IL31RA: variants seen among roughly 807,000 people sequenced by gnomAD.
IL31RA encodes interleukin-31 receptor subunit alpha.
IL31RA carries 66 observed loss-of-function variants against 83.7 expected under a neutral mutation model. The ratio of observed to expected loss-of-function variants is 0.79; its 90% CI spans 0.65 to 0.97. The LOEUF (loss-of-function observed/expected upper bound fraction) is 0.97, where lower values mean the gene tolerates loss of function less well. IL31RA is among the 50% of genes least tolerant of loss of function. The pLI is 0.00. For missense variants in IL31RA, 798 were observed against 919.4 expected, an observed-to-expected ratio of 0.87 and a Z score of 1.71; for synonymous variants, 325 against 329.0, an observed-to-expected ratio of 0.99 and a Z score of 0.13.
At chr5:55,845,727 C>T in the IL31RA span, among the ~76,000 whole-genome samples, 2 of 152,152 alleles carry the variant, frequency 1.3e-5, no homozygotes, top group Non-Finnish European at 2.9e-5. Flanking sequence ...CTCCCTGAGC[C>T]ATGTGGAATT....
At position 55,917,114 on chromosome 5, in the gene IL31RA, A is replaced by G; in HGVS notation, c.2289A>G (p.Glu763=). ...AACTTCCAGAGCACACCAAGGGAGA[A>G]GTCTAAATGCGACCATAGCATGAGA... is the stretch of plus-strand genomic sequence containing the variant. The part of the protein sequence containing the change: ...SEKLPEHTKG[E]V The change falls in exon 15 of 15, where the codon GAA becomes GAG. Residue 763 remains glutamate (E), a synonymous_variant. Transcript: ENST00000652347. 6.2e-7 allele frequency: 1 copy of G among 1,614,154 alleles called. No homozygotes were observed. The highest frequency in any genetic ancestry group is 8.5e-7 in the Non-Finnish European group (1 of 1,180,024).
intron 13 of IL31RA, among the ~76,000 whole-genome samples, 163 bp from the exon 14 acceptor site, chr5:55,914,684 C>T (rs555043690): frequency 3.5e-4 from 54 of 152,188 alleles, no homozygotes; most frequent in Middle Eastern, 3.4e-3. Flanking sequence ...CAACACACAC[C>T]GCAAAACAAC....
rs910171277 is a variant in IL31RA, at chr5:55,890,278, C to T, written c.772+143C>T. 4.0e-6 allele frequency: 3 copies of T among 756,770 alleles called. No homozygotes were observed. In the African/African-American group the frequency reaches 5.2e-5, roughly 13 times the overall value. 46.9% of individuals were successfully genotyped at this position (756,770 alleles called of 1,614,324 possible). On this transcript the variant is annotated intron_variant, in intron 6 of 14. Transcript: ENST00000652347. ...GCCCCCTGTACCATCGAGAGTGAGC[C>T]TGCACAACTTTGTGCCCCAAAGGCA...
At chr5:55,902,220 G>A (rs1748865281) in intron 8 of IL31RA, 1 of 152,128 alleles carries the variant, frequency 6.6e-6, no homozygotes, top group Admixed American at 6.5e-5. Flanking sequence ...CGGTGGCTAA[G>A]TTGAATAGTT....
At chr5:55,840,750 G>A in the IL31RA span, among the ~76,000 whole-genome samples, 2 of 152,186 alleles carry the variant, frequency 1.3e-5, no homozygotes, top group African/African-American at 2.4e-5. Context: ...CAGCTCAAAT[G>A]TGTATTCCTT....
intron 8 of IL31RA, among the ~76,000 whole-genome samples, chr5:55,904,349 T>A (rs1749002934): frequency 1.3e-5 from 2 of 152,010 alleles, no homozygotes; most frequent in Admixed American, 1.3e-4. Context: ...GCTGAGTGGG[T>A]CTGGGTGGAG....
upstream of IL31RA, among the ~76,000 whole-genome samples, chr5:55,846,861 TG>T (rs1744939393): frequency 1.3e-5 from 2 of 152,332 alleles, no homozygotes; most frequent in Admixed American, 1.3e-4. Context: ...ACCAGTACTC[TG>T]GGTAAACCTG....
rs1235138364 is a variant in IL31RA at position 55,886,268 on chromosome 5, C to CTTGCTTTTTTTTTTTTTTTTTT, written c.606+3075_606+3076insGCTTTTTTTTTTTTTTTTTTTT. ...GCTAGCTTGCTTGCTTGCTTGCTTG[C>CTTGCTTTTTTTTTTTTTTTTTT]TTTTTTTTTTTTTTTTTTTTTTTGA... is the stretch of plus-strand genomic sequence containing the variant. On this transcript the variant is annotated intron_variant, in intron 5 of 14. Transcript: ENST00000652347. 1.1e-4 allele frequency among the ~76,000 whole-genome samples: 8 copies of CTTGCTTTTTTTTTTTTTTTTTT among 71,502 alleles called. 1 individual carries two copies. Among genetic ancestry groups the CTTGCTTTTTTTTTTTTTTTTTT allele is most frequent in the African/African-American group, 3.6e-4 (5 of 13,716 alleles). The allele number at this position is 71,502 out of a possible 152,430, so 46.9% of individuals were successfully genotyped here. A position where few individuals can be genotyped will look rare whatever the true frequency, so the allele number is the denominator to read the frequency against.
intron 5 of IL31RA, among the ~76,000 whole-genome samples, chr5:55,888,946 T>C (rs917828210): frequency 6.6e-6 from 1 of 152,184 alleles, no homozygotes; most frequent in Non-Finnish European, 1.5e-5. Flanking sequence ...AGGTACTAAT[T>C]TTCACAGCTG....
At chr5:55,888,696 A>T (rs1239889666) in intron 5 of IL31RA, among the ~76,000 whole-genome samples, 1 of 152,134 alleles carries the variant, frequency 6.6e-6, no homozygotes, top group Non-Finnish European at 1.5e-5. Flanking sequence ...AACTAACAAC[A>T]GGCTGTCTCA....
intron 5 of IL31RA, among the ~76,000 whole-genome samples, chr5:55,889,715 A>G (rs2112471421): frequency 6.6e-6 from 1 of 152,360 alleles, no homozygotes; most frequent in South Asian, 2.1e-4. Context: ...GGCCAGAGGC[A>G]GGAATCTCTG....
intron 1 of IL31RA, 35 bp downstream of exon 1, chr5:55,851,668 T>A: frequency 1.2e-6 from 2 of 1,613,790 alleles, no homozygotes; most frequent in Non-Finnish European, 1.7e-6. Context: ...AAATAATTCC[T>A]AGCAAGTAGG....
intron 2 of IL31RA, among the ~76,000 whole-genome samples, chr5:55,866,440 C>A (rs965772400): frequency 1.3e-5 from 2 of 151,652 alleles, no homozygotes; most frequent in African/African-American, 4.9e-5. Context: ...TAGTTAGATT[C>A]TCATAAGGAG....
At chr5:55,916,586 G>T in intron 14 of IL31RA, 58 bp from the exon 15 acceptor site, 1 of 1,443,504 alleles carries the variant, frequency 6.9e-7, no homozygotes, top group Non-Finnish European at 9.8e-7. Context: ...ACGAGTTTTT[G>T]GCTATGTCAT....
Position 55,916,712 on chromosome 5 carries a change from C to T in IL31RA, c.1887C>T (p.Ser629=). ...NTEDRILKPC[S]TPSDKLVIDK... ...AAGACAGGATCTTAAAACCATGTTC[C>T]ACCCCCAGTGACAAGTTGGTGATTG... is the stretch of plus-strand genomic sequence containing the variant. The change falls in exon 15 of 15, where the codon TCC becomes TCT. Residue 629 remains serine, a synonymous_variant. Transcript: ENST00000652347. 6.2e-7 allele frequency: 1 copy of T among 1,614,156 alleles called. No homozygotes were observed. Among genetic ancestry groups the T allele is most frequent in the Non-Finnish European group, 8.5e-7 (1 of 1,180,000 alleles).
At chr5:55,887,206 A>G (rs867418305) in intron 5 of IL31RA, among the ~76,000 whole-genome samples, 2 of 152,202 alleles carry the variant, frequency 1.3e-5, no homozygotes, top group African/African-American at 2.4e-5. Context: ...AGGCCTTGCT[A>G]TCCCCATTTT....
At chr5:55,916,039 A>G (rs1416429716) in intron 14 of IL31RA, among the ~76,000 whole-genome samples, 1 of 152,212 alleles carries the variant, frequency 6.6e-6, no homozygotes, top group African/African-American at 2.4e-5. Context: ...GGGTTTTGTG[A>G]ACATGGGATT....
chr5:55,921,438 C>T lies in IL31RA; in HGVS notation c.*4318C>T, dbSNP rs1750085529. On this transcript the variant is annotated 3_prime_UTR_variant, in exon 15 of 15. Transcript: ENST00000652347. ...TGGTTGATAGGATTCGTTTAAAGGT[C>T]CTCCTAGTATAGAGTGCAATGCGAT... Among the ~76,000 whole-genome samples, 1 of 152,186 alleles carries T rather than the reference C, an allele frequency of 6.6e-6. No homozygotes were observed. Among genetic ancestry groups the T allele is most frequent in the African/African-American group, 2.4e-5 (1 of 41,442 alleles).
At chr5:55,907,599 G>A (rs1450411774) in intron 10 of IL31RA, 139 bp downstream of exon 10, 2 of 697,418 alleles carry the variant, frequency 2.9e-6, no homozygotes, top group African/African-American at 3.5e-5. Flanking sequence ...AGCTCTGTAT[G>A]TTATGAATTT....
Sources: gnomAD v4.1 joint callset for allele counts (sites outside exome capture counted in the v4.1 genomes callset) on GRCh38, gnomAD v4.1.1 for gene constraint, MANE v1.5 for transcripts, NCBI Gene and HGNC (gene_info 2026-07-23, HGNC 2026-07-21) for gene names.